CELF2: variants seen among roughly 807,000 people sequenced by gnomAD.
CELF2 encodes CUGBP Elav-like family member 2.
In CELF2, 8 loss-of-function variants were observed where a neutral mutation model predicts 62.6. The observed-to-expected ratio is 0.13, with a 90% CI of 0.07 to 0.23. The LOEUF is 0.23. CELF2 is among the 10% of genes least tolerant of loss of function. The pLI is 1.00. For missense variants in CELF2, 333 were observed against 671.0 expected (o/e 0.50, Z 5.56); for synonymous variants, 258 against 250.0 (o/e 1.03, Z -0.30).
intron 3 of CELF2, among the ~76,000 whole-genome samples, chr10:11,241,747 T>C (rs1045347779): frequency 2.0e-5 from 3 of 152,172 alleles, no homozygotes; most frequent in African/African-American, 4.8e-5. Flanking sequence ...GAGTCACTCA[T>C]GAGGGAGACA....
chr10:10,923,338 A>G (rs2065099662), intron 2 of CELF2, among the ~76,000 whole-genome samples: 1 of 152,190 alleles, frequency 6.6e-6, no homozygotes, highest in Non-Finnish European at 1.5e-5. Context: ...TTCATTGGCT[A>G]TGACTGTCTT....
the CELF2 span, among the ~76,000 whole-genome samples, chr10:10,564,655 C>G: frequency 9.2e-4 from 109 of 119,002 alleles, 2 homozygotes; most frequent in South Asian, 0.029. Context: ...CACACACACA[C>G]ACACACACAC....
At chr10:10,720,188 T>C in the CELF2 span, among the ~76,000 whole-genome samples, 1 of 152,328 alleles carries the variant, frequency 6.6e-6, no homozygotes, top group South Asian at 2.1e-4. Context: ...AACTCATCTA[T>C]AAATAGGGAT....
At chr10:10,773,274 A>G in the CELF2 span, among the ~76,000 whole-genome samples, 1 of 152,226 alleles carries the variant, frequency 6.6e-6, no homozygotes, top group Non-Finnish European at 1.5e-5. Context: ...CTGTCTAAAC[A>G]TCCCATCACT....
At chr10:11,249,118 A>G in intron 3 of CELF2, 35 bp from the exon 4 acceptor site, 1 of 1,569,092 alleles carries the variant, frequency 6.4e-7, no homozygotes, top group Non-Finnish European at 8.8e-7. Flanking sequence ...ACAGTTGTTC[A>G]ATCTGCCTTT....
At chr10:10,731,236 T>C in the CELF2 span, among the ~76,000 whole-genome samples, 1 of 148,970 alleles carries the variant, frequency 6.7e-6, no homozygotes, top group African/African-American at 2.5e-5. Context: ...GCAAAGATCC[T>C]GCAGAAAACA....
chr10:11,241,236 G>A (rs1244788470), intron 3 of CELF2, among the ~76,000 whole-genome samples: 3 of 152,294 alleles, frequency 2.0e-5, no homozygotes, highest in Non-Finnish European at 4.4e-5. Context: ...GTCTTGCTCT[G>A]TTACCCAAGC....
the CELF2 span, among the ~76,000 whole-genome samples, chr10:10,675,607 C>T: frequency 1.1e-4 from 17 of 151,544 alleles, no homozygotes; most frequent in South Asian, 6.3e-4. Context: ...CATTTTATGT[C>T]TTTTTTTTAG....
intron 2 of CELF2, among the ~76,000 whole-genome samples, chr10:11,194,224 C>T (rs1157541947): frequency 6.6e-6 from 1 of 152,104 alleles, no homozygotes; most frequent in African/African-American, 2.4e-5. Context: ...CGCCACCACA[C>T]CCAGCTAATT....
chr10:10,565,696 T>C, the CELF2 span, among the ~76,000 whole-genome samples: 1 of 152,240 alleles, frequency 6.6e-6, no homozygotes, highest in Non-Finnish European at 1.5e-5. Context: ...GGAAGAATTT[T>C]GGACTTACAG....
At chr10:10,778,033 A>C in the CELF2 span, among the ~76,000 whole-genome samples, 1 of 152,198 alleles carries the variant, frequency 6.6e-6, no homozygotes, top group Non-Finnish European at 1.5e-5. Context: ...TCTCCTGTTA[A>C]GTATAGACAC....
At chr10:10,539,575 A>C in the CELF2 span, among the ~76,000 whole-genome samples, 1 of 152,098 alleles carries the variant, frequency 6.6e-6, no homozygotes, top group African/African-American at 2.4e-5. Flanking sequence ...TATTCCCTGA[A>C]CCAGGGTCCT....
intron 1 of CELF2, among the ~76,000 whole-genome samples, chr10:11,129,650 C>A (rs539856916): frequency 1.3e-5 from 2 of 152,238 alleles, no homozygotes; most frequent in African/African-American, 4.8e-5. Context: ...TCTAGATTTT[C>A]TAGTTTGTTT....
At chr10:11,020,973 A>G (rs964414937) in intron 1 of CELF2, among the ~76,000 whole-genome samples, 4 of 152,240 alleles carry the variant, frequency 2.6e-5, no homozygotes, top group Admixed American at 2.0e-4. Context: ...GTTACTATAC[A>G]ATATCATCTA....
In CELF2 at chr10:11,260,692, C is replaced by CTGA. The variant is rs2080253268; in HGVS notation, c.538+2824_538+2826dup. ...CAGCAGAAAAGTAATTTCTGGTGAA[C>CTGA]TGATGAGAATTCCCTGTTGCAAAAA... On this transcript the variant is annotated intron_variant, in intron 5 of 12. Coordinates refer to ENST00000633077, the MANE Select transcript of CELF2 (RefSeq NM_001326342.2). The surrounding 1 kb of genome is among the most constrained non-coding windows in gnomAD (Gnocchi z 4.2). 6.6e-6 allele frequency among the ~76,000 whole-genome samples: 1 copy of CTGA among 150,654 alleles called. No homozygotes were observed. Among genetic ancestry groups the CTGA allele is most frequent in the African/African-American group, 2.4e-5 (1 of 40,856 alleles).
At chr10:10,518,726 T>TAAAA in the CELF2 span, among the ~76,000 whole-genome samples, 28,604 of 150,886 alleles carry the variant, frequency 0.19, 3,036 homozygotes, top group Non-Finnish European at 0.25. Context: ...GATTTTTTTT[T>TAAAA]AAAAAAAAAT....
In CELF2 at chr10:11,008,592, G is replaced by C. The variant is rs1033480441; in HGVS notation, c.53+3152G>C. Reference sequence around the variant, plus strand: ...ATCAATACTAATTATTGTAATCAGGGGGGTTAATTAGGTGAAAATGTGGCT... The same window carrying C: ...ATCAATACTAATTATTGTAATCAGGCGGGTTAATTAGGTGAAAATGTGGCT... On this transcript the variant is annotated intron_variant, in intron 1 of 12. Transcript: ENST00000416382. The surrounding 1 kb of genome is among the most constrained non-coding windows in gnomAD (Gnocchi z 4.5). 1.3e-5 allele frequency among the ~76,000 whole-genome samples: 2 copies of C among 152,126 alleles called. No individual in the cohort carries two copies. The highest frequency in any genetic ancestry group is 4.8e-5 in the African/African-American group (2 of 41,422).
chr10:10,555,161 C>G, the CELF2 span, among the ~76,000 whole-genome samples: 3 of 151,954 alleles, frequency 2.0e-5, no homozygotes, highest in African/African-American at 7.3e-5. Context: ...GAATGCCACC[C>G]AGAGGATAGA....
intron 3 of CELF2, among the ~76,000 whole-genome samples, chr10:11,235,805 T>G (rs1485685119): frequency 6.7e-6 from 1 of 148,224 alleles, no homozygotes; most frequent in Non-Finnish European, 1.5e-5. Context: ...AGAGAAGTTT[T>G]TTTTGGGGGG....
Sources: gnomAD v4.1 joint callset for allele counts (sites outside exome capture counted in the v4.1 genomes callset) on GRCh38, gnomAD v4.1.1 for gene constraint, Gnocchi (gnomAD v3.1) non-coding constraint, MANE v1.5 for transcripts, NCBI Gene and HGNC (gene_info 2026-07-23, HGNC 2026-07-21) for gene names.